Variants in LAMA4 observed in about 807,000 individuals in gnomAD.
The protein encoded by LAMA4 is laminin subunit alpha 4, also known as laminin subunit alpha-4.
A neutral mutation model predicts 207.1 loss-of-function variants in LAMA4; 127 were observed. The ratio of observed to expected loss-of-function variants is 0.61; its 90% confidence interval spans 0.53 to 0.71. The LOEUF is 0.71. Among genes scored for constraint, LAMA4 ranks in the 30% least tolerant of loss-of-function variants. The pLI, the probability that LAMA4 is intolerant of heterozygous loss-of-function variation, is 0.00. For synonymous variants in LAMA4, 761 were observed against 816.0 expected (o/e 0.93, Z 1.15); for missense variants, 2,093 against 2,246.5 (o/e 0.93, Z 1.38).
Position 112,158,821 on chromosome 6 carries a change from T to A in LAMA4, c.1728A>T (p.Leu576=), listed in dbSNP as rs1182502921. 1 of 1,612,974 alleles carries A rather than the reference T, an allele frequency of 6.2e-7. No homozygotes were observed. ...DGAKSELQVK[L]SNLSNLSHDL... is the part of the protein sequence containing the mutation. ...CATGGCTGAGGTTACTTAGGTTAGA[T>A]AGTTTTACTTGTAGTTCACTTTTGG... The change falls in exon 14 of 39, where the codon CTA becomes CTT. Residue 576 remains leucine, a synonymous_variant. Transcript: ENST00000230538.
intron 12 of LAMA4, among the ~76,000 whole-genome samples, chr6:112,169,770 C>T (rs554885701): frequency 1.3e-5 from 2 of 152,238 alleles, no homozygotes; most frequent in South Asian, 4.1e-4. Context: ...TTTTTGGTAG[C>T]CATATGCATG....
intron 9 of LAMA4, among the ~76,000 whole-genome samples, chr6:112,182,012 G>T (rs1554345402): frequency 6.6e-6 from 1 of 152,126 alleles, no homozygotes; most frequent in Non-Finnish European, 1.5e-5. Flanking sequence ...CAGGAGAATT[G>T]CTTGAACCCA....
chr6:112,208,106 T>G (rs1367771911), intron 3 of LAMA4, among the ~76,000 whole-genome samples: 1 of 152,212 alleles, frequency 6.6e-6, no homozygotes, highest in Non-Finnish European at 1.5e-5. Flanking sequence ...AGCTCTATTT[T>G]TTTCATCTTT....
chr6:112,198,962 C>T (rs983290177), intron 5 of LAMA4, among the ~76,000 whole-genome samples: 6 of 152,116 alleles, frequency 3.9e-5, no homozygotes, highest in African/African-American at 1.2e-4. Flanking sequence ...AGAACTTGCC[C>T]GGGTGGGTCA....
chr6:112,190,947 C>CTTTCCTTTCCTTTCTTTCTTTCTTTCTTT (rs1491586717), intron 6 of LAMA4, among the ~76,000 whole-genome samples: 1 of 40,472 alleles, frequency 2.5e-5, no homozygotes, highest in Admixed American at 2.8e-4. Context: ...TTCTTTCTTT[C>CTTTCCTTTCCTTTCTTTCTTTCTTTCTTT]CTTTCTTTCT....
At chr6:112,154,357 CAA>C (rs55988988) in intron 16 of LAMA4, among the ~76,000 whole-genome samples, 2,997 of 120,238 alleles carry the variant, frequency 0.025, 88 homozygotes, top group African/African-American at 0.079. Context: ...ACACAAACTA[CAA>C]AAAAAAAAAA....
intron 2 of LAMA4, among the ~76,000 whole-genome samples, chr6:112,230,556 C>T (rs1165714450): frequency 6.6e-6 from 1 of 152,218 alleles, no homozygotes; most frequent in Non-Finnish European, 1.5e-5. Context: ...AATATAAAGG[C>T]ATAGAAATTG....
At chr6:112,177,029 G>A (rs1252299477) in intron 10 of LAMA4, among the ~76,000 whole-genome samples, 1 of 152,124 alleles carries the variant, frequency 6.6e-6, no homozygotes, top group African/African-American at 2.4e-5. Context: ...GCCTAAAGAG[G>A]CATTTATTTC....
At chr6:112,208,346 T>G (rs1246183968) in intron 3 of LAMA4, among the ~76,000 whole-genome samples, 3 of 152,174 alleles carry the variant, frequency 2.0e-5, no homozygotes, top group African/African-American at 7.2e-5. Context: ...ATGCTTTATT[T>G]GAGGTTCAGA....
chr6:112,237,135 T>A lies in LAMA4; in HGVS notation c.195+16821A>T, dbSNP rs138038724. Among the ~76,000 whole-genome samples the A allele has an allele frequency of 1.7e-3, 255 of 152,266 alleles. 1 individual carries two copies. The highest frequency in any genetic ancestry group is 5.9e-3 in the African/African-American group (246 of 41,550). The stretch of plus-strand genomic sequence containing the variant: ...TTAATGACCGAGACAAAAGTGGAAT[T>A]TCCTAATTTCCTTGAAAAGGGCCAA... On this transcript the variant is annotated intron_variant, in intron 2 of 38. Coordinates refer to ENST00000230538, the MANE Select transcript of LAMA4 (RefSeq NM_001105206.3).
At chr6:112,219,738 A>G (rs1411918140) in intron 2 of LAMA4, among the ~76,000 whole-genome samples, 1 of 152,206 alleles carries the variant, frequency 6.6e-6, no homozygotes, top group Non-Finnish European at 1.5e-5. Flanking sequence ...TACCATGTTT[A>G]AGTCACTGTG....
intron 18 of LAMA4, among the ~76,000 whole-genome samples, chr6:112,145,307 C>T (rs1779955900): frequency 6.6e-6 from 1 of 152,232 alleles, no homozygotes; most frequent in African/African-American, 2.4e-5. Context: ...GCCAAGGCCG[C>T]CTGTCTTGCA....
intron 2 of LAMA4, among the ~76,000 whole-genome samples, chr6:112,220,374 T>C (rs777691279): frequency 7.2e-5 from 11 of 152,176 alleles, no homozygotes; most frequent in Non-Finnish European, 8.8e-5. Flanking sequence ...TTATATTTAG[T>C]ATGAGGTCTG....
At chr6:112,135,554 T>G (rs1779289667) in intron 25 of LAMA4, among the ~76,000 whole-genome samples, 1 of 152,222 alleles carries the variant, frequency 6.6e-6, no homozygotes, top group African/African-American at 2.4e-5. Flanking sequence ...ATACACTTTA[T>G]TAAGTTGTAT....
At chr6:112,141,270 G>C in intron 21 of LAMA4, 88 bp downstream of exon 21, 1 of 742,932 alleles carries the variant, frequency 1.3e-6, no homozygotes, top group South Asian at 1.9e-5. Context: ...GACTGTGTAT[G>C]TGTGTGTGTG....
chr6:112,117,207 T>G lies in LAMA4; in HGVS notation c.4981+532A>C, dbSNP rs1405878034. Among the ~76,000 whole-genome samples, 1 of 152,176 alleles carries G rather than the reference T, an allele frequency of 6.6e-6. No individual in the cohort carries two copies. The highest frequency in any genetic ancestry group is 2.4e-5 in the African/African-American group (1 of 41,450). On this transcript the variant is annotated intron_variant, in intron 35 of 38. Transcript: ENST00000230538. This position sits in a 1 kb window ranked among gnomAD's most constrained non-coding sequence, Gnocchi z 4.5. ...CTAGGATTTTATTTATTTTTAGAAC[T>G]GTTATGTCCCATCATCTGGCATAGG...
chr6:112,210,392 T>A (rs1328670697), intron 3 of LAMA4, among the ~76,000 whole-genome samples: 2 of 152,202 alleles, frequency 1.3e-5, no homozygotes, highest in African/African-American at 4.8e-5. Context: ...GAAATTAGCA[T>A]TCTGAACTTT....
At chr6:112,182,364 G>A (rs1050134023) in intron 9 of LAMA4, among the ~76,000 whole-genome samples, 3 of 151,956 alleles carry the variant, frequency 2.0e-5, no homozygotes, top group East Asian at 1.9e-4. Context: ...ACATCACTTC[G>A]TTCATATGGA....
chr6:112,146,510 G>A (rs1307990401), intron 18 of LAMA4, among the ~76,000 whole-genome samples: 1 of 152,186 alleles, frequency 6.6e-6, no homozygotes, highest in African/African-American at 2.4e-5. Context: ...GTGGGATCCA[G>A]CAGTCTGTTT....
Sources: gnomAD v4.1 joint callset for allele counts (sites outside exome capture counted in the v4.1 genomes callset) on GRCh38, gnomAD v4.1.1 for gene constraint, Gnocchi (gnomAD v3.1) non-coding constraint, MANE v1.5 for transcripts, NCBI Gene and HGNC (gene_info 2026-07-23, HGNC 2026-07-21) for gene names.